LMO7: variants seen among roughly 807,000 people sequenced by gnomAD.
LMO7 encodes the protein LIM domain only protein 7.
A neutral mutation model predicts 206.5 loss-of-function variants in LMO7; 120 were observed. The ratio of observed to expected loss-of-function variants is 0.58; its 90% CI spans 0.50 to 0.68. The LOEUF (loss-of-function observed/expected upper bound fraction) is 0.68. Ranked by LOEUF, LMO7 falls within the 30% of genes least tolerant of loss-of-function variation. LMO7 has a pLI of 0.00. For missense variants in LMO7, 1,959 were observed against 1,957.9 expected (o/e 1.00, Z -0.01); for synonymous variants, 706 against 681.5 (o/e 1.04, Z -0.56).
exon 1 of LMO7, chr13:75,621,425 C>G (rs9530452): frequency 0.15 from 28,793 of 194,856 alleles, 2,346 homozygotes; most frequent in Middle Eastern, 0.3. Flanking sequence ...CCCAAGCACA[C>G]TGCTCATGAG....
intron 26 of LMO7, among the ~76,000 whole-genome samples, chr13:75,847,857 A>G (rs1175186220): frequency 6.6e-6 from 1 of 152,124 alleles, no homozygotes; most frequent in Non-Finnish European, 1.5e-5. Context: ...GGAGACAGTT[A>G]CTTTATGTTC....
chr13:75,778,107 T>G (rs1017687837), intron 4 of LMO7, among the ~76,000 whole-genome samples: 13 of 152,240 alleles, frequency 8.5e-5, no homozygotes, highest in Non-Finnish European at 1.8e-4. Context: ...TATTTTAACC[T>G]TCTAAATAGG....
chr13:75,754,565 G>A (rs2047524342), intron 3 of LMO7, among the ~76,000 whole-genome samples: 3 of 152,118 alleles, frequency 2.0e-5, no homozygotes, highest in African/African-American at 4.8e-5. Context: ...GGGAGTGAGT[G>A]GGAATGTGGG....
At chr13:75,745,225 A>G (rs1225500883) in intron 3 of LMO7, among the ~76,000 whole-genome samples, 1 of 152,162 alleles carries the variant, frequency 6.6e-6, no homozygotes, top group Non-Finnish European at 1.5e-5. Context: ...GAGAAGAAGT[A>G]GTCAAGTGAG....
intron 26 of LMO7, among the ~76,000 whole-genome samples, chr13:75,848,697 A>G (rs1376382034): frequency 1.3e-5 from 2 of 151,390 alleles, no homozygotes; most frequent in African/African-American, 2.4e-5. Context: ...TTTGCCTTGC[A>G]AATTGTGCTG....
chr13:75,723,986 G>A (rs890108742), intron 2 of LMO7, among the ~76,000 whole-genome samples: 1 of 152,062 alleles, frequency 6.6e-6, no homozygotes. Context: ...GTTGTGGAAG[G>A]GGCAAGGCAG....
intron 2 of LMO7, among the ~76,000 whole-genome samples, chr13:75,629,435 C>T (rs2034631683): frequency 6.6e-6 from 1 of 152,150 alleles, no homozygotes; most frequent in South Asian, 2.1e-4. Flanking sequence ...AGATATGCCT[C>T]ACCTCGCTCA....
intron 1 of LMO7, among the ~76,000 whole-genome samples, chr13:75,710,084 G>A (rs1436880905): frequency 1.3e-5 from 2 of 152,110 alleles, no homozygotes; most frequent in Non-Finnish European, 2.9e-5. Context: ...GTTTTTGTCA[G>A]GTTTGTCAAA....
chr13:75,742,768 T>C (rs1050646826), intron 3 of LMO7, among the ~76,000 whole-genome samples: 3 of 152,122 alleles, frequency 2.0e-5, no homozygotes, highest in South Asian at 2.1e-4. Context: ...ACTATAAAAA[T>C]TGTGGAAGAC....
At chr13:75,647,669 A>G (rs1413016237) in intron 1 of LMO7, among the ~76,000 whole-genome samples, 1 of 151,730 alleles carries the variant, frequency 6.6e-6, no homozygotes, top group African/African-American at 2.4e-5. Context: ...ACAGAGAAGC[A>G]GAAAATAGCT....
intron 4 of LMO7, among the ~76,000 whole-genome samples, chr13:75,781,861 A>G (rs1191638294): frequency 2.0e-5 from 3 of 151,946 alleles, no homozygotes; most frequent in African/African-American, 7.3e-5. Context: ...TTTGATTTGC[A>G]TTTCTCTGAT....
intron 1 of LMO7, among the ~76,000 whole-genome samples, chr13:75,622,658 C>T (rs922182540): frequency 6.6e-6 from 1 of 152,170 alleles, no homozygotes; most frequent in Non-Finnish European, 1.5e-5. Flanking sequence ...GATCACTCTC[C>T]TAACCTGACA....
At chr13:75,726,141 C>T (rs1381902057) in intron 2 of LMO7, among the ~76,000 whole-genome samples, 1 of 151,884 alleles carries the variant, frequency 6.6e-6, no homozygotes, top group African/African-American at 2.4e-5. Context: ...AAATTAGTTT[C>T]AAGATATTGT....
chr13:75,804,523 C>T lies in LMO7; in HGVS notation c.896C>T (p.Ala299Val). ...RSWASPVYTE[A>V]DGTFSSNQRR... ...TGGGCAAGCCCGGTTTATACAGAAG[C>T]AGATGGAACATTTTCAAGGTACTGA... Residue 299 changes from alanine to valine, a missense_variant, in exon 8 of 31, where the codon GCA (alanine) becomes GTA (valine). Transcript: ENST00000377534. The T allele has an allele frequency of 6.2e-7, 1 of 1,613,804 alleles. No individual in the cohort carries two copies. Among genetic ancestry groups the T allele is most frequent in the Non-Finnish European group, 8.5e-7 (1 of 1,179,906 alleles).
intron 1 of LMO7, among the ~76,000 whole-genome samples, chr13:75,647,153 CTT>C (rs2037106438): frequency 6.6e-6 from 1 of 152,034 alleles, no homozygotes. Flanking sequence ...TGTACAAGGA[CTT>C]ATTTTGTTTT....
intron 14 of LMO7, among the ~76,000 whole-genome samples, chr13:75,822,210 A>G (rs1173816045): frequency 1.3e-5 from 2 of 152,202 alleles, no homozygotes; most frequent in Non-Finnish European, 2.9e-5. Context: ...TGTGAAAGGA[A>G]GCAACACAGT....
chr13:75,769,735 G>T (rs1217398608), intron 4 of LMO7, among the ~76,000 whole-genome samples: 3 of 152,070 alleles, frequency 2.0e-5, no homozygotes, highest in Non-Finnish European at 4.4e-5. Context: ...ACAAGGGTTT[G>T]CTCTGTGTGC....
At chr13:75,660,729 T>C (rs2038506649) in intron 1 of LMO7, among the ~76,000 whole-genome samples, 1 of 152,186 alleles carries the variant, frequency 6.6e-6, no homozygotes, top group South Asian at 2.1e-4. Flanking sequence ...CTGTGCTGTC[T>C]ATGAGTAGAA....
chr13:75,748,837 G>C (rs926981643), intron 3 of LMO7, among the ~76,000 whole-genome samples: 3 of 150,106 alleles, frequency 2.0e-5, no homozygotes, highest in African/African-American at 7.3e-5. Context: ...TTGAGACAGG[G>C]TCTGGTTCTT....
Sources: gnomAD v4.1 joint callset for allele counts (sites outside exome capture counted in the v4.1 genomes callset) on GRCh38, gnomAD v4.1.1 for gene constraint, MANE v1.5 for transcripts, NCBI Gene and HGNC (gene_info 2026-07-23, HGNC 2026-07-21) for gene names.